INTS7: variants seen among roughly 807,000 people sequenced by gnomAD.
INTS7 encodes the protein integrator complex subunit 7, also known as chromosome 1 open reading frame 73.
A neutral mutation model predicts 109.2 loss-of-function variants in INTS7; 46 were observed. That is an observed-to-expected ratio of 0.42 (90% CI 0.33 to 0.54). INTS7 has a LOEUF of 0.54. Among genes scored for constraint, INTS7 ranks in the 20% least tolerant of loss-of-function variants. INTS7 has a pLI of 0.07. For missense variants in INTS7, 929 were observed against 1,132.4 expected (o/e 0.82, Z 2.58); for synonymous variants, 412 against 402.9 (o/e 1.02, Z -0.27).
Position 212,007,335 on chromosome 1 carries a change from G to A in INTS7, c.671C>T (p.Ser224Phe). 1 of 1,613,976 alleles carries A rather than the reference G, an allele frequency of 6.2e-7. No homozygotes were observed. Among genetic ancestry groups the A allele is most frequent in the Non-Finnish European group, 8.5e-7 (1 of 1,179,894 alleles). The change falls in exon 6 of 20, where the codon TCC (serine) becomes TTC (phenylalanine). Residue 224 changes from serine (S) to phenylalanine (F), a missense_variant. Coordinates refer to ENST00000366994, the MANE Select transcript of INTS7 (RefSeq NM_015434.4). ...ARQLLQQLVT[S>F]YPSTKMVIVS... ...AATCACCATTTTGGTGGACGGATAGGATGTGACCAGCTGTTGTAAAAGCTG... is the reference window on the plus strand; with the variant it reads ...AATCACCATTTTGGTGGACGGATAGAATGTGACCAGCTGTTGTAAAAGCTG...
At chr1:211,981,233 T>C (rs772728612) in intron 9 of INTS7, 43 bp from the exon 10 acceptor site, 5 of 1,267,336 alleles carry the variant, frequency 3.9e-6, no homozygotes, top group Non-Finnish European at 4.6e-6. Flanking sequence ...AAGTGATGTG[T>C]GTACAAACAC....
chr1:211,976,272 G>A (rs1436724280), intron 12 of INTS7, among the ~76,000 whole-genome samples: 2 of 152,166 alleles, frequency 1.3e-5, no homozygotes, highest in Non-Finnish European at 2.9e-5. Flanking sequence ...GAGAAAGGAA[G>A]ATAGAAACAG....
rs1354725691 is a variant in INTS7, at chr1:212,007,359, T to C, written c.647A>G (p.Gln216Arg). The stretch of plus-strand genomic sequence containing the variant: ...GGATGTGACCAGCTGTTGTAAAAGC[T>C]GACGAGCACTGGAAGCCAAGATTGC... ...HDAILASSAR[Q>R]LLQQLVTSYP... The change falls in exon 6 of 20, where the codon CAG (glutamine) becomes CGG (arginine). Residue 216 changes from glutamine (Q) to arginine (R), a missense_variant. This residue lies in a region of INTS7 where 787 missense variants were observed against 901.1 expected (regional missense o/e 0.87). Transcript: ENST00000366994. 1.2e-6 allele frequency: 2 copies of C among 1,614,032 alleles called. No individual in the cohort carries two copies. The highest frequency in any genetic ancestry group is 1.7e-6 in the Non-Finnish European group (2 of 1,179,920).
chr1:211,983,847 T>A (rs1284129065), intron 8 of INTS7, among the ~76,000 whole-genome samples: 1 of 121,430 alleles, frequency 8.2e-6, no homozygotes, highest in Non-Finnish European at 2.0e-5. Context: ...TTTTGTTTGT[T>A]TTGTTTTGTT....
Position 211,972,837 on chromosome 1 carries a change from C to T in INTS7, c.1815+2329G>A, listed in dbSNP as rs1664242524. ...ATACATTCTGCAACAAATTCATGAT[C>T]TTAGAACAGGACCCTGAGCTTCCTT... On this transcript the variant is annotated intron_variant, in intron 13 of 19. Transcript: ENST00000366994. Among the ~76,000 whole-genome samples the T allele has an allele frequency of 3.3e-5, 5 of 152,230 alleles. No individual in the cohort carries two copies. In the South Asian group the frequency reaches 1.0e-3, roughly 32 times the overall value.
chr1:212,001,523 T>C (rs536286509), intron 7 of INTS7, among the ~76,000 whole-genome samples: 2 of 152,294 alleles, frequency 1.3e-5, no homozygotes, highest in South Asian at 4.1e-4. Context: ...TTGTATTAGG[T>C]ATTATAAGTA....
intron 1 of INTS7, 96 bp downstream of exon 1, chr1:212,035,248 C>T: frequency 1.2e-6 from 1 of 825,910 alleles, no homozygotes; most frequent in Non-Finnish European, 2.1e-6. Flanking sequence ...AAGACATGCG[C>T]ATGCGCCTAT....
At chr1:212,032,444 C>T (rs2102509257) in intron 1 of INTS7, among the ~76,000 whole-genome samples, 1 of 152,048 alleles carries the variant, frequency 6.6e-6, no homozygotes, top group Middle Eastern at 3.4e-3. Context: ...CTTTTGATGG[C>T]TTGCACGGCC....
intron 5 of INTS7, among the ~76,000 whole-genome samples, chr1:212,008,863 CTCTT>C (rs1359140739): frequency 2.5e-4 from 38 of 152,184 alleles, no homozygotes; most frequent in Admixed American, 2.4e-3. Flanking sequence ...CCCAAACTGA[CTCTT>C]TCTACCTCCG....
At chr1:211,968,194 A>G (rs1241259596) in intron 14 of INTS7, among the ~76,000 whole-genome samples, 3 of 152,046 alleles carry the variant, frequency 2.0e-5, no homozygotes, top group Non-Finnish European at 4.4e-5. Context: ...ATTATTATAT[A>G]TGACATATAG....
intron 17 of INTS7, among the ~76,000 whole-genome samples, chr1:211,950,943 A>G (rs1330876215): frequency 6.6e-6 from 1 of 152,218 alleles, no homozygotes; most frequent in African/African-American, 2.4e-5. Context: ...TCTTTCAAAG[A>G]CTGTCTTTAC....
intron 8 of INTS7, among the ~76,000 whole-genome samples, chr1:211,983,048 T>C (rs1262829644): frequency 6.6e-6 from 1 of 151,798 alleles, no homozygotes; most frequent in African/African-American, 2.4e-5. Flanking sequence ...GTATAATTTC[T>C]TAAAAAATAT....
intron 2 of INTS7, among the ~76,000 whole-genome samples, chr1:212,020,506 C>T (rs1285029331): frequency 6.6e-6 from 1 of 152,134 alleles, no homozygotes; most frequent in East Asian, 1.9e-4. Context: ...AGGAGAAGAC[C>T]TAGAGCAGAA....
chr1:211,957,719 T>C (rs1663433199), intron 16 of INTS7, among the ~76,000 whole-genome samples: 1 of 152,216 alleles, frequency 6.6e-6, no homozygotes, highest in African/African-American at 2.4e-5. Flanking sequence ...TTAAATCCAA[T>C]TCAGCAAATT....
intron 5 of INTS7, among the ~76,000 whole-genome samples, chr1:212,007,859 T>C (rs1005590288): frequency 1.3e-5 from 2 of 152,222 alleles, no homozygotes; most frequent in African/African-American, 4.8e-5. Flanking sequence ...AACTAAATCA[T>C]AATCAGGATG....
At chr1:211,977,316 G>T (rs1402064500) in intron 11 of INTS7, among the ~76,000 whole-genome samples, 1 of 152,104 alleles carries the variant, frequency 6.6e-6, no homozygotes, top group Non-Finnish European at 1.5e-5. Flanking sequence ...TTATTCCTCA[G>T]ATTTTTTGAA....
chr1:211,986,055 A>G (rs1442560855), intron 8 of INTS7, among the ~76,000 whole-genome samples: 2 of 152,334 alleles, frequency 1.3e-5, no homozygotes, highest in African/African-American at 4.8e-5. Flanking sequence ...GCTTTGGCCA[A>G]TAAAGCATTG....
intron 7 of INTS7, among the ~76,000 whole-genome samples, chr1:211,997,725 A>C (rs572068649): frequency 6.6e-6 from 1 of 151,862 alleles, no homozygotes; most frequent in East Asian, 1.9e-4. Context: ...CTAAAAATAC[A>C]AAAGTTAGCT....
chr1:212,033,462 C>G (rs1667261825), intron 1 of INTS7, among the ~76,000 whole-genome samples: 1 of 151,082 alleles, frequency 6.6e-6, no homozygotes. Flanking sequence ...ATCACTTACT[C>G]TGTGTCTAAG....
Sources: allele counts gnomAD v4.1 joint callset (sites outside exome capture counted in the v4.1 genomes callset), GRCh38; gene constraint gnomAD v4.1.1; regional missense constraint gnomAD v4.1.1; transcripts MANE v1.5; gene names NCBI Gene and HGNC (gene_info 2026-07-23, HGNC 2026-07-21).